Variants in SLC22A5 observed in about 807,000 individuals in gnomAD.
SLC22A5 encodes the protein organic cation/carnitine transporter 2.
SLC22A5 carries 44 observed loss-of-function variants against 56.7 expected under a neutral mutation model. The ratio of observed to expected loss-of-function variants is 0.78; its 90% CI spans 0.61 to 1.00. SLC22A5 has a LOEUF of 1.00. Among genes scored for constraint, SLC22A5 ranks in the 50% least tolerant of loss-of-function variants. SLC22A5 has a pLI of 0.00. For synonymous variants in SLC22A5, 278 were observed against 292.1 expected, an observed-to-expected ratio of 0.95 and a Z score of 0.49; for missense variants, 675 against 723.0, an observed-to-expected ratio of 0.93 and a Z score of 0.76.
chr5:132,370,841 T>C (rs1444220291), intron 1 of SLC22A5, among the ~76,000 whole-genome samples: 1 of 152,144 alleles, frequency 6.6e-6, no homozygotes, highest in Non-Finnish European at 1.5e-5. Context: ...TACAACTGCC[T>C]CTTCCCTTTT....
intron 4 of SLC22A5, 138 bp from the exon 5 acceptor site, chr5:132,386,887 G>A (rs1475203685): frequency 2.2e-6 from 2 of 919,878 alleles, no homozygotes; most frequent in Non-Finnish European, 3.6e-6. Flanking sequence ...TCAGCTCTTT[G>A]CTTCTGGCTT....
chr5:132,370,085 C>A lies in SLC22A5; in HGVS notation c.113C>A (p.Ser38Tyr), dbSNP rs369354736. Residue 38 changes from serine (S) to tyrosine (Y), a missense_variant, in exon 1 of 10, where the codon TCC becomes TAC. Coordinates refer to ENST00000245407, the MANE Select transcript of SLC22A5 (RefSeq NM_003060.4). ...ATCCCCAATGGCTTCACCGGCCTGT[C>A]CTCCGTGTTCCTGATAGCGACCCCG... is the stretch of plus-strand genomic sequence containing the variant. ...SIIPNGFTGL[S>Y]SVFLIATPEH... 4 of 1,612,706 alleles carry A rather than the reference C, an allele frequency of 2.5e-6. No homozygotes were observed. Among genetic ancestry groups the A allele is most frequent in the Non-Finnish European group, 2.5e-6 (3 of 1,179,666 alleles).
chr5:132,392,646 G>A (rs781615759), intron 8 of SLC22A5, 31 bp downstream of exon 8: 2 of 1,592,068 alleles, frequency 1.3e-6, no homozygotes, highest in South Asian at 2.2e-5. Flanking sequence ...GCACACTAGA[G>A]CAACGGGATG....
Position 132,378,381 on chromosome 5 carries a change from A to C in SLC22A5, c.397A>C (p.Asn133His), listed in dbSNP as rs1268928609. 5 of 1,613,976 alleles carry C rather than the reference A, an allele frequency of 3.1e-6. No individual in the cohort carries two copies. The Admixed American group carries it at 8.3e-5, about 27-fold the overall frequency. ...ACCCCCTTTGCTCATCTTGCAGTGG[A>C]ACCTGGTGTGTGAGGACGACTGGAA... ...VYLSTIVTEW[N>H]LVCEDDWKAP... Residue 133 changes from asparagine to histidine, a missense_variant, in exon 2 of 10, where the codon AAC becomes CAC. Physicochemically the swap from Asn to His is moderately conservative, Grantham distance 68. Coordinates refer to ENST00000245407, the MANE Select transcript of SLC22A5 (RefSeq NM_003060.4).
rs368514254 is a variant in SLC22A5 at position 132,390,814 on chromosome 5, C to T, written c.1177C>T (p.Leu393=). 4 of 1,614,108 alleles carry T rather than the reference C, an allele frequency of 2.5e-6. No individual in the cohort carries two copies. The East Asian group carries it at 6.7e-5, about 27-fold the overall frequency. ...CCCAGCATATGTGTTGGCCTGGCTGCTGCTGCAATATTTGCCCCGGCGCTA... is the reference window on the plus strand; with the variant it reads ...CCCAGCATATGTGTTGGCCTGGCTGTTGCTGCAATATTTGCCCCGGCGCTA... ...EVPAYVLAWL[L]LQYLPRRYSM... The change falls in exon 7 of 10, where the codon CTG becomes TTG. Residue 393 remains leucine (L), a synonymous_variant. Transcript: ENST00000245407.
chr5:132,390,668 T>C (rs781233355), intron 6 of SLC22A5, 22 bp from the exon 7 acceptor site: 14 of 1,566,282 alleles, frequency 8.9e-6, no homozygotes, highest in Non-Finnish European at 1.2e-5. Flanking sequence ...CTTTTCCAGC[T>C]TTCTTCTGCA....
At chr5:132,378,754 C>T (rs1752241405) in intron 2 of SLC22A5, 1 of 458,150 alleles carries the variant, frequency 2.2e-6, no homozygotes, top group Admixed American at 3.4e-5. Context: ...TTCACTTCTG[C>T]AGTAGCCTGG....
At chr5:132,394,130 C>A in intron 9 of SLC22A5, 55 bp from the exon 10 acceptor site, 1 of 1,131,368 alleles carries the variant, frequency 8.8e-7, no homozygotes, top group Non-Finnish European at 1.4e-6. Flanking sequence ...TGTTTGGAGA[C>A]TGGGAGGCAT....
chr5:132,382,506 G>A (rs1752383586), intron 2 of SLC22A5: 1 of 151,930 alleles, frequency 6.6e-6, no homozygotes, highest in South Asian at 2.1e-4. Context: ...GATTAATGTT[G>A]GTCTTCCGCA....
intron 5 of SLC22A5, 140 bp from the exon 6 acceptor site, chr5:132,388,781 A>C: frequency 1.4e-6 from 1 of 705,306 alleles, no homozygotes; most frequent in Non-Finnish European, 2.6e-6. Context: ...CAGTCAGTAT[A>C]CTTACTGTTC....
chr5:132,377,904 A>G, intron 1 of SLC22A5: 1 of 539,770 alleles, frequency 1.9e-6, no homozygotes, highest in Non-Finnish European at 3.3e-6. Flanking sequence ...GCAGGTCCAG[A>G]TGGTGCACTC....
intron 8 of SLC22A5, among the ~76,000 whole-genome samples, chr5:132,393,423 T>C (rs1752774351): frequency 6.6e-6 from 1 of 152,160 alleles, no homozygotes; most frequent in Admixed American, 6.5e-5. Flanking sequence ...GCCCAGCTCT[T>C]CTACTGCAAC....
At chr5:132,386,431 G>A (rs917501195) in intron 4 of SLC22A5, among the ~76,000 whole-genome samples, 2 of 152,074 alleles carry the variant, frequency 1.3e-5, no homozygotes, top group Admixed American at 6.5e-5. Flanking sequence ...GGGTTTCACT[G>A]CGTTGGCCAG....
intron 6 of SLC22A5, 109 bp from the exon 7 acceptor site, chr5:132,390,581 T>C: frequency 1.2e-6 from 1 of 827,422 alleles, no homozygotes; most frequent in Non-Finnish European, 2.1e-6. Context: ...TACTAGTCTC[T>C]GCTTAAAGAT....
chr5:132,385,375 G>A lies in SLC22A5; in HGVS notation c.700G>A (p.Gly234Arg). ...AGTTCGTATAATATTCTCTACGTTA[G>A]GAGTGTGCATATTTTATGCATTTGG... ...KSVRIIFSTL[G>R]VCIFYAFGYM... Residue 234 changes from glycine to arginine, a missense_variant, in exon 4 of 10, where the codon GGA becomes AGA. Physicochemically the swap from Gly to Arg is moderately radical, Grantham distance 125. Coordinates refer to ENST00000245407, the MANE Select transcript of SLC22A5 (RefSeq NM_003060.4). 1 of 1,614,104 alleles carries A rather than the reference G, an allele frequency of 6.2e-7. No individual in the cohort carries two copies. The highest frequency in any genetic ancestry group is 8.5e-7 in the Non-Finnish European group (1 of 1,179,934).
intron 1 of SLC22A5, chr5:132,377,965 G>C (rs1298302987): frequency 2.6e-6 from 2 of 777,878 alleles, no homozygotes; most frequent in African/African-American, 3.5e-5. Flanking sequence ...TAGAGCCCCA[G>C]AGCCCTGCTT....
At chr5:132,384,473 T>G (rs1284187494) in intron 3 of SLC22A5, among the ~76,000 whole-genome samples, 172 bp downstream of exon 3, 1 of 152,232 alleles carries the variant, frequency 6.6e-6, no homozygotes, top group Non-Finnish European at 1.5e-5. Flanking sequence ...GAGCCAGACA[T>G]GAGACCAGCC....
At position 132,384,262 on chromosome 5, in the gene SLC22A5, A is replaced by C. The variant is rs1322301830; in HGVS notation, c.613A>C (p.Met205Leu). 1.2e-6 allele frequency: 2 copies of C among 1,614,126 alleles called. No individual in the cohort carries two copies. Among genetic ancestry groups the C allele is most frequent in the African/African-American group, 2.7e-5 (2 of 74,938 alleles). ...MFVVLFVLVG[M>L]GQISNYVAAF... ...TGTCGTGCTGTTTGTCCTTGTAGGC[A>C]TGGGCCAGATCTCCAACTATGTGGC... is the stretch of plus-strand genomic sequence containing the variant. Residue 205 changes from methionine (M) to leucine (L), a missense_variant, in exon 3 of 10, where the codon ATG becomes CTG. Coordinates refer to ENST00000245407, the MANE Select transcript of SLC22A5 (RefSeq NM_003060.4).
Position 132,393,664 on chromosome 5 carries a change from G to C in SLC22A5, c.1451-12G>C. The stretch of plus-strand genomic sequence containing the variant: ...CAGCCCTGGGCCTGAGGCTCCGTCT[G>C]CTTTGCCATAGGTGCCTACGACCGC... On this transcript the variant is annotated splice_polypyrimidine_tract_variant and intron_variant, in intron 8 of 9. Coordinates refer to ENST00000245407, the MANE Select transcript of SLC22A5 (RefSeq NM_003060.4). 1 of 1,614,122 alleles carries C rather than the reference G, an allele frequency of 6.2e-7. No individual in the cohort carries two copies. The highest frequency in any genetic ancestry group is 8.5e-7 in the Non-Finnish European group (1 of 1,179,984).
Sources: gnomAD v4.1 joint callset for allele counts (sites outside exome capture counted in the v4.1 genomes callset) on GRCh38, gnomAD v4.1.1 for gene constraint, MANE v1.5 for transcripts, NCBI Gene and HGNC (gene_info 2026-07-23, HGNC 2026-07-21) for gene names.